Variants in CCDC157 observed in about 807,000 individuals in gnomAD.
CCDC157 encodes coiled-coil domain containing 157.
In CCDC157, 60 loss-of-function variants were observed where a neutral mutation model predicts 70.9. The observed-to-expected ratio is 0.85, with a 90% confidence interval of 0.69 to 1.05. The LOEUF is 1.05. CCDC157 is among the 50% of genes least tolerant of loss of function. The probability of loss-of-function intolerance (pLI) is 0.00; values close to 1 mark genes in which losing one functional copy is unlikely to be tolerated. For missense variants in CCDC157, 943 were observed against 984.2 expected (o/e 0.96, Z 0.56); for synonymous variants, 373 against 422.4 (o/e 0.88, Z 1.43).
In CCDC157 at chr22:30,377,733, C is replaced by A. The variant is rs575552136; in HGVS notation, c.*988C>A. On this transcript the variant is annotated 3_prime_UTR_variant, in exon 12 of 12. Coordinates refer to ENST00000338306, the MANE Select transcript of CCDC157 (RefSeq NM_001017437.5). ...GAGTTCCTGAGGGAGGCTGGGGTGC[C>A]CCGGGCACCCCCCTCACAGGGGAGC... 1.8e-4 allele frequency: 33 copies of A among 188,242 alleles called. No homozygotes were observed. Among genetic ancestry groups the A allele is most frequent in the African/African-American group, 7.2e-4 (31 of 42,926 alleles). 11.7% of individuals were successfully genotyped at this position (188,242 alleles called of 1,614,324 possible).
chr22:30,369,907 T>C (rs1178404332), intron 4 of CCDC157: 3 of 466,026 alleles, frequency 6.4e-6, no homozygotes, highest in African/African-American at 3.9e-5. Context: ...CTGTTTGTTA[T>C]GGGCTATCCC....
At position 30,375,601 on chromosome 22, in the gene CCDC157, A is replaced by G; in HGVS notation, c.1795A>G (p.Asn599Asp). Residue 599 changes from asparagine to aspartate, a missense_variant, in exon 10 of 12, where the codon AAC becomes GAC. Transcript: ENST00000338306. ...DIRIRVLQEE[N>D]GRLQSMLSKI... ...CCGCATCCGGGTCCTACAGGAGGAG[A>G]ACGGGCGGCTCCAATCAATGCTGTC... is the stretch of plus-strand genomic sequence containing the variant. The G allele has an allele frequency of 1.2e-6, 2 of 1,614,154 alleles. No homozygotes were observed. The highest frequency in any genetic ancestry group is 1.7e-6 in the Non-Finnish European group (2 of 1,180,024).
chr22:30,370,571 C>T lies in CCDC157; in HGVS notation c.666C>T (p.Asp222=), dbSNP rs376081992. 156 of 1,613,918 alleles carry T rather than the reference C, an allele frequency of 9.7e-5. 4 individuals carry two copies. The South Asian group carries it at 1.4e-3, about 15-fold the overall frequency. Residue 222 remains aspartate (D), a synonymous_variant, in exon 5 of 12, where the codon GAC becomes GAT. Coordinates refer to ENST00000338306, the MANE Select transcript of CCDC157 (RefSeq NM_001017437.5). ...QTIETALVPC[D]ACASVQGSLQ... ...TTGAGACGGCCCTGGTGCCCTGTGACGCATGCGCCAGCGTCCAGGGAAGCC... is the reference window on the plus strand; with the variant it reads ...TTGAGACGGCCCTGGTGCCCTGTGATGCATGCGCCAGCGTCCAGGGAAGCC...
intron 6 of CCDC157, 174 bp downstream of exon 6, chr22:30,371,901 T>G: frequency 1.4e-6 from 1 of 735,964 alleles, no homozygotes; most frequent in Admixed American, 2.8e-5. Flanking sequence ...GGTTGCCACC[T>G]CCTACCGAGA....
intron 1 of CCDC157, among the ~76,000 whole-genome samples, chr22:30,359,179 C>A (rs5753092): frequency 0.31 from 47,461 of 151,704 alleles, 7,612 homozygotes; most frequent in East Asian, 0.42. Context: ...TTCTTGATTT[C>A]TTTATTTCTT....
chr22:30,366,047 C>G lies in CCDC157; in HGVS notation c.47C>G (p.Thr16Arg), dbSNP rs1420463988. The change falls in exon 3 of 12, where the codon ACA becomes AGA. Residue 16 changes from threonine to arginine, a missense_variant. Physicochemically the swap from Thr to Arg is moderately conservative, Grantham distance 71. Transcript: ENST00000338306. ...GSQACMESLR[T>R]DLTDLQGAIV... ...CAGGCCTGCATGGAGAGCCTGCGCA[C>G]AGACCTCACCGACCTGCAGGGTGCC... 6.2e-7 allele frequency: 1 copy of G among 1,605,810 alleles called. No homozygotes were observed. Among genetic ancestry groups the G allele is most frequent in the Admixed American group, 1.7e-5 (1 of 60,018 alleles).
intron 8 of CCDC157, 54 bp downstream of exon 8, chr22:30,373,818 C>G: frequency 6.5e-7 from 1 of 1,533,960 alleles, no homozygotes; most frequent in Non-Finnish European, 8.8e-7. Flanking sequence ...AACTGAGTGC[C>G]TGCAGGCCTG....
intron 2 of CCDC157, 144 bp from the exon 3 acceptor site, chr22:30,365,846 C>A: frequency 2.5e-6 from 2 of 812,268 alleles, no homozygotes; most frequent in Non-Finnish European, 1.9e-6. Flanking sequence ...GCCTTGTCAC[C>A]TGGGGCTGGG....
chr22:30,371,764 C>T, intron 6 of CCDC157, 37 bp downstream of exon 6: 6 of 1,538,400 alleles, frequency 3.9e-6, no homozygotes, highest in East Asian at 4.5e-5. Flanking sequence ...TGCCACATCT[C>T]AAGCCAGGGG....
intron 10 of CCDC157, chr22:30,375,919 G>A (rs755807989): frequency 2.2e-5 from 12 of 551,424 alleles, no homozygotes; most frequent in Admixed American, 1.1e-4. Flanking sequence ...CGGGTGCGGC[G>A]GCTCATGCCT....
chr22:30,372,455 A>T, intron 7 of CCDC157, 169 bp downstream of exon 7: 1 of 968,936 alleles, frequency 1.0e-6, no homozygotes, highest in South Asian at 1.8e-5. Flanking sequence ...TGAACCAGGC[A>T]CTGGGGGAAC....
chr22:30,371,600 C>T (rs368764882), intron 5 of CCDC157, 50 bp from the exon 6 acceptor site: 64 of 1,510,716 alleles, frequency 4.2e-5, no homozygotes, highest in Admixed American at 2.0e-4. Context: ...TGAAGGCCGC[C>T]GGCCAGGTCC....
intron 3 of CCDC157, among the ~76,000 whole-genome samples, chr22:30,367,290 C>A (rs972848943): frequency 6.6e-6 from 1 of 150,570 alleles, no homozygotes; most frequent in Non-Finnish European, 1.5e-5. Flanking sequence ...TCTTGGAGTG[C>A]AGTGGTGTGA....
intron 6 of CCDC157, 26 bp downstream of exon 6, chr22:30,371,753 A>G (rs376947614): frequency 6.4e-7 from 1 of 1,573,410 alleles, no homozygotes; most frequent in Non-Finnish European, 8.7e-7. Flanking sequence ...ATAGGCCCCC[A>G]TGCCACATCT....
At chr22:30,371,824 A>G in intron 6 of CCDC157, 97 bp downstream of exon 6, 1 of 1,141,002 alleles carries the variant, frequency 8.8e-7, no homozygotes, top group Non-Finnish European at 1.3e-6. Flanking sequence ...ATCCAGGGCA[A>G]AGTTGAAGGG....
At chr22:30,372,373 C>T (rs1253667451) in intron 7 of CCDC157, 87 bp downstream of exon 7, 4 of 1,425,392 alleles carry the variant, frequency 2.8e-6, no homozygotes, top group Non-Finnish European at 9.2e-7. Flanking sequence ...GGGGGATCAT[C>T]TATATTGGGC....
chr22:30,360,142 T>A (rs1304057151), intron 1 of CCDC157, among the ~76,000 whole-genome samples: 1 of 152,110 alleles, frequency 6.6e-6, no homozygotes, highest in Non-Finnish European at 1.5e-5. Context: ...AGACCCTGTC[T>A]CTAAAAAATA....
chr22:30,376,504 C>T lies in CCDC157; in HGVS notation c.2018C>T (p.Pro673Leu), dbSNP rs776387734. ...RTLLGQPCTSPPRQPCTSPPR... is the reference protein window; with the variant it reads ...RTLLGQPCTSLPRQPCTSPPR... ...CTGCTGGGCCAGCCCTGCACATCCC[C>T]ACCTCGGCAGCCCTGCACATCCCCA... The change falls in exon 12 of 12, where the codon CCA becomes CTA. Residue 673 changes from proline (P) to leucine (L), a missense_variant. Pro to Leu is a moderately conservative substitution (Grantham distance 98). Transcript: ENST00000338306. The T allele has an allele frequency of 4.4e-6, 7 of 1,607,396 alleles. No homozygotes were observed. The highest frequency in any genetic ancestry group is 5.9e-6 in the Non-Finnish European group (7 of 1,178,960).
chr22:30,371,202 G>A, intron 5 of CCDC157: 2 of 570,742 alleles, frequency 3.5e-6, no homozygotes, highest in Admixed American at 3.0e-5. Flanking sequence ...CCATCGGTCA[G>A]TGAGGGAACC....
Sources: allele counts gnomAD v4.1 joint callset (sites outside exome capture counted in the v4.1 genomes callset), GRCh38; gene constraint gnomAD v4.1.1; transcripts MANE v1.5; gene names NCBI Gene and HGNC (gene_info 2026-07-23, HGNC 2026-07-21).